The following RAPGEF2 variants were observed in gnomAD, a reference collection of about 807,000 sequenced individuals.
RAPGEF2 encodes Rap guanine nucleotide exchange factor 2.
Under a neutral mutation model 186.7 loss-of-function variants are expected in RAPGEF2, and 54 were observed. That is an observed-to-expected ratio of 0.29 (90% CI 0.23 to 0.36). The LOEUF is 0.36. RAPGEF2 is among the 10% of genes least tolerant of loss of function. The probability of loss-of-function intolerance (pLI) is 1.00; values close to 1 mark genes in which losing one functional copy is unlikely to be tolerated. For missense variants in RAPGEF2, 1,532 were observed against 2,045.0 expected (o/e 0.75, Z 4.84); for synonymous variants, 712 against 705.9 (o/e 1.01, Z -0.14).
At chr4:159,294,269 T>C (rs541908757) in intron 7 of RAPGEF2, among the ~76,000 whole-genome samples, 1 of 152,274 alleles carries the variant, frequency 6.6e-6, no homozygotes, top group South Asian at 2.1e-4. Context: ...CTTTAAACAC[T>C]CATTTCCCGA....
chr4:159,330,285 G>GTC, intron 12 of RAPGEF2, 49 bp from the exon 13 acceptor site: 1 of 902,986 alleles, frequency 1.1e-6, no homozygotes, highest in African/African-American at 1.7e-5. Context: ...GTGTGTGTGT[G>GTC]TGTGTGTGTG....
intron 28 of RAPGEF2, 46 bp downstream of exon 28, chr4:159,354,092 T>C (rs772191094): frequency 6.8e-7 from 1 of 1,468,556 alleles, no homozygotes; most frequent in Non-Finnish European, 9.1e-7. Flanking sequence ...GATCATGTCT[T>C]TAATGTAACT....
chr4:159,227,919 C>T (rs1336438641), intron 4 of RAPGEF2, among the ~76,000 whole-genome samples: 3 of 152,170 alleles, frequency 2.0e-5, no homozygotes, highest in Admixed American at 2.0e-4. Flanking sequence ...GTTTGTAGTA[C>T]AGCTTGGGTA....
intron 7 of RAPGEF2, among the ~76,000 whole-genome samples, chr4:159,244,873 G>A (rs141040432): frequency 1.6e-4 from 25 of 151,822 alleles, no homozygotes; most frequent in African/African-American, 5.1e-4. Context: ...TAAATGATGT[G>A]GTAAATCTAA....
At chr4:159,316,402 G>A (rs577671459) in intron 9 of RAPGEF2, among the ~76,000 whole-genome samples, 2 of 151,846 alleles carry the variant, frequency 1.3e-5, no homozygotes, top group Admixed American at 6.6e-5. Context: ...CTCTTGCCTC[G>A]GCACCTGGGT....
At position 159,299,631 on chromosome 4, in the gene RAPGEF2, C is replaced by CT. The variant is rs563783331; in HGVS notation, c.544-4702dup. 5.6e-3 allele frequency among the ~76,000 whole-genome samples: 844 copies of CT among 151,246 alleles called. 4 individuals are homozygous for CT. Among genetic ancestry groups the CT allele is most frequent in the African/African-American group, 0.018 (730 of 41,252 alleles). ...AATTTTAGGTATTTTACCAATTTAA[C>CT]TTTTTTTTTAACTTATTATTACTTA... is the stretch of plus-strand genomic sequence containing the variant. On this transcript the variant is annotated intron_variant, in intron 7 of 29. Transcript: ENST00000691494.
intron 7 of RAPGEF2, among the ~76,000 whole-genome samples, chr4:159,275,046 C>G (rs934203637): frequency 1.5e-5 from 2 of 134,668 alleles, no homozygotes; most frequent in Admixed American, 8.1e-5. Flanking sequence ...ATGTTTTTCT[C>G]TGTCTCTCGT....
intron 4 of RAPGEF2, among the ~76,000 whole-genome samples, chr4:159,235,071 A>G (rs1753092175): frequency 6.6e-6 from 1 of 152,272 alleles, no homozygotes; most frequent in Non-Finnish European, 1.5e-5. Flanking sequence ...ATGAAAAATT[A>G]TCTTAATCTA....
chr4:159,158,107 A>G (rs775319474), intron 1 of RAPGEF2, among the ~76,000 whole-genome samples: 19 of 152,190 alleles, frequency 1.2e-4, no homozygotes, highest in Non-Finnish European at 2.4e-4. Flanking sequence ...TAAAGGAGAT[A>G]AATATTAACT....
At chr4:159,293,002 AGTG>A (rs1761434727) in intron 7 of RAPGEF2, among the ~76,000 whole-genome samples, 1 of 152,188 alleles carries the variant, frequency 6.6e-6, no homozygotes, top group Admixed American at 6.5e-5. Flanking sequence ...CCTTTGGCCT[AGTG>A]ATATGCTAGA....
intron 6 of RAPGEF2, among the ~76,000 whole-genome samples, chr4:159,242,346 T>A (rs1754117145): frequency 6.6e-6 from 1 of 151,996 alleles, no homozygotes; most frequent in Middle Eastern, 3.4e-3. Flanking sequence ...TTGTTTTCCT[T>A]TACCTTTTTT....
chr4:159,355,896 C>CCCCCCCCAAG lies in RAPGEF2; in HGVS notation c.4695_4696insCCCCCCCAAG (p.Gly1566ProfsTer12). 2 of 1,555,906 alleles carry CCCCCCCCAAG rather than the reference C, an allele frequency of 1.3e-6. No individual in the cohort carries two copies. The highest frequency in any genetic ancestry group is 1.7e-6 in the Non-Finnish European group (2 of 1,149,408). On this transcript the variant is annotated frameshift_variant, in exon 29 of 30. Coordinates refer to ENST00000691494, the MANE Select transcript of RAPGEF2 (RefSeq NM_001394067.2). LOFTEE classifies it high-confidence loss of function. Reference sequence around the variant, plus strand: ...ATCGAGAGCCCCCGCCCACCCCTCCCGGCTACATTGGAATTCCCATTACTG... The same window carrying CCCCCCCCAAG: ...ATCGAGAGCCCCCGCCCACCCCTCCCCCCCCCCAAGGGCTACATTGGAATTCCCATTACTG...
At chr4:159,254,122 G>A (rs1242100097) in intron 7 of RAPGEF2, among the ~76,000 whole-genome samples, 9 of 152,160 alleles carry the variant, frequency 5.9e-5, no homozygotes. Context: ...GAGATATAAT[G>A]TAATTAATTA....
At chr4:159,294,294 T>C (rs571968421) in intron 7 of RAPGEF2, among the ~76,000 whole-genome samples, 1 of 152,310 alleles carries the variant, frequency 6.6e-6, no homozygotes, top group African/African-American at 2.4e-5. Flanking sequence ...CATACTCCAT[T>C]GAGCATTTCT....
chr4:159,352,673 T>C lies in RAPGEF2; in HGVS notation c.3866-12T>C, dbSNP rs1731365932. 6.3e-7 allele frequency: 1 copy of C among 1,594,622 alleles called. No individual in the cohort carries two copies. The highest frequency in any genetic ancestry group is 8.6e-7 in the Non-Finnish European group (1 of 1,162,380). On this transcript the variant is annotated splice_polypyrimidine_tract_variant and intron_variant, in intron 26 of 29. Transcript: ENST00000691494. ...AGAGAGTCTAATTAATACGGTTGTA[T>C]TTCTCATGCAGGCTATACTTTGGCT...
At chr4:159,264,842 G>C (rs910475533) in intron 7 of RAPGEF2, among the ~76,000 whole-genome samples, 5 of 152,070 alleles carry the variant, frequency 3.3e-5, no homozygotes, top group Non-Finnish European at 7.4e-5. Flanking sequence ...CTAGAGTAGA[G>C]CATTATATAT....
In RAPGEF2 at chr4:159,210,582, A is replaced by G; in HGVS notation, c.280A>G (p.Ser94Gly). Residue 94 changes from serine to glycine, a missense_variant and splice_region_variant, in exon 4 of 30, where the codon AGT (serine) becomes GGT (glycine). Transcript: ENST00000691494. ...IKESMFLPRSSFGKRSAGSFR... is the reference protein window; with the variant it reads ...IKESMFLPRSGFGKRSAGSFR... ...GGAATCCATGTTTCTTCCAAGAAGC[A>G]GGTATTGTATAGACATTCTGTAATA... The G allele has an allele frequency of 6.6e-7, 1 of 1,520,214 alleles. No individual in the cohort carries two copies. The highest frequency in any genetic ancestry group is 8.8e-7 in the Non-Finnish European group (1 of 1,132,590). The allele number at this position is 1,520,214 out of a possible 1,614,324, so 94.2% of individuals were successfully genotyped here. A position where few individuals can be genotyped will look rare whatever the true frequency, so the allele number is the denominator to read the frequency against.
At chr4:159,117,484 A>G (rs114768914) in intron 1 of RAPGEF2, among the ~76,000 whole-genome samples, 2,901 of 152,230 alleles carry the variant, frequency 0.019, 101 homozygotes, top group African/African-American at 0.066. Context: ...GTTTAAATCT[A>G]CATCCCATAG....
At chr4:159,197,529 A>G (rs892793032) in intron 3 of RAPGEF2, among the ~76,000 whole-genome samples, 3 of 152,216 alleles carry the variant, frequency 2.0e-5, no homozygotes, top group Admixed American at 1.3e-4. Flanking sequence ...AAGAGTTTTC[A>G]TAGCACTTTG....
Sources: allele counts gnomAD v4.1 joint callset (sites outside exome capture counted in the v4.1 genomes callset), GRCh38; gene constraint gnomAD v4.1.1; transcripts MANE v1.5; gene names NCBI Gene and HGNC (gene_info 2026-07-23, HGNC 2026-07-21).